Variants in GDF3 observed in about 807,000 individuals in gnomAD.
GDF3 encodes growth differentiation factor 3.
Under a neutral mutation model 10.2 loss-of-function variants are expected in GDF3, and 10 were observed. The ratio of observed to expected loss-of-function variants is 0.98; its 90% CI spans 0.60 to 1.66. GDF3 has a LOEUF of 1.66. GDF3 is among the 40% of genes most tolerant of loss of function. GDF3 has a pLI of 0.00. For synonymous variants in GDF3, 166 were observed against 178.5 expected (o/e 0.93, Z 0.56); for missense variants, 450 against 438.3 (o/e 1.03, Z -0.24).
chr12:7,691,634 G>GT, intron 1 of GDF3, among the ~76,000 whole-genome samples: 1 of 151,502 alleles, frequency 6.6e-6, no homozygotes. Context: ...GTAGTTATAG[G>GT]TATAGTCACC....
At chr12:7,693,651 A>G (rs1054858186) in intron 1 of GDF3, among the ~76,000 whole-genome samples, 3 of 151,568 alleles carry the variant, frequency 2.0e-5, no homozygotes, top group African/African-American at 7.3e-5. Flanking sequence ...ATCATTCAAA[A>G]CCTAACAAAA....
chr12:7,695,253 T>A (rs1864170073), intron 1 of GDF3, among the ~76,000 whole-genome samples: 1 of 152,220 alleles, frequency 6.6e-6, no homozygotes, highest in African/African-American at 2.4e-5. Flanking sequence ...GATTACAGGT[T>A]ACCTACTGTC....
At position 7,689,832 on chromosome 12, in the gene GDF3, A is replaced by C; in HGVS notation, c.*46T>G. 1 of 1,265,920 alleles carries C rather than the reference A, an allele frequency of 7.9e-7. No individual in the cohort carries two copies. Among genetic ancestry groups the C allele is most frequent in the Non-Finnish European group, 1.2e-6 (1 of 864,358 alleles). 78.4% of individuals were successfully genotyped at this position (1,265,920 alleles called of 1,614,324 possible). Reference sequence around the variant, plus strand: ...ATAAACCAGATAGGTAGTTTTATTAAAAGATTTACCCTAAGAACACTCCTT... The same window carrying C: ...ATAAACCAGATAGGTAGTTTTATTACAAGATTTACCCTAAGAACACTCCTT... On this transcript the variant is annotated 3_prime_UTR_variant, in exon 2 of 2. Transcript: ENST00000329913.
chr12:7,695,732 C>T lies in GDF3; in HGVS notation c.-4G>A. The T allele has an allele frequency of 1.9e-6, 3 of 1,614,072 alleles. No individual in the cohort carries two copies. Among genetic ancestry groups the T allele is most frequent in the Non-Finnish European group, 2.5e-6 (3 of 1,179,972 alleles). ...AATCTGGCAAGAAACGAAGCATGGC[C>T]TCTGGAGTGGCTGTCAGACCGGGGA... On this transcript the variant is annotated 5_prime_UTR_variant, in exon 1 of 2. Transcript: ENST00000329913.
At position 7,689,991 on chromosome 12, in the gene GDF3, C is replaced by A; in HGVS notation, c.982G>T (p.Val328Leu). The A allele has an allele frequency of 6.2e-7, 1 of 1,613,850 alleles. No homozygotes were observed. ...GGAGACAGCTTGGTGGGGATACACA[C>A]AGCCTGGGGGATCTCTGGGTCAACG... Reference protein sequence around the residue: ...HAVDPEIPQAVCIPTKLSPIS... With the variant: ...HAVDPEIPQALCIPTKLSPIS... The change falls in exon 2 of 2, where the codon GTG becomes TTG. Residue 328 changes from valine to leucine, a missense_variant. Transcript: ENST00000329913.
chr12:7,694,350 G>A (rs1023942199), intron 1 of GDF3, among the ~76,000 whole-genome samples: 1 of 151,946 alleles, frequency 6.6e-6, no homozygotes, highest in African/African-American at 2.4e-5. Context: ...ATCACCTGAA[G>A]TCAGGAGTTC....
intron 1 of GDF3, among the ~76,000 whole-genome samples, chr12:7,691,613 C>A (rs766636433): frequency 6.6e-6 from 1 of 151,272 alleles, no homozygotes; most frequent in Non-Finnish European, 1.5e-5. Flanking sequence ...AACACTATGC[C>A]GAAATTTATG....
At chr12:7,695,224 A>G (rs1402443376) in intron 1 of GDF3, among the ~76,000 whole-genome samples, 2 of 152,194 alleles carry the variant, frequency 1.3e-5, no homozygotes, top group African/African-American at 4.8e-5. Flanking sequence ...CTCACACACT[A>G]GCTGTATGAT....
chr12:7,691,273 A>T (rs1864127483), intron 1 of GDF3, among the ~76,000 whole-genome samples: 1 of 152,184 alleles, frequency 6.6e-6, no homozygotes, highest in Admixed American at 6.6e-5. Context: ...CATTATTTCC[A>T]CTAAACTCTA....
chr12:7,695,238 G>A (rs117402167), intron 1 of GDF3, among the ~76,000 whole-genome samples: 2,576 of 152,276 alleles, frequency 0.017, 38 homozygotes, highest in Non-Finnish European at 0.024. Flanking sequence ...GTATGATCTT[G>A]AATAGATTAC....
intron 1 of GDF3, among the ~76,000 whole-genome samples, chr12:7,695,092 G>C (rs940009116): frequency 6.6e-6 from 1 of 152,128 alleles, no homozygotes; most frequent in East Asian, 1.9e-4. Flanking sequence ...GGCAGGATGT[G>C]TATATATGGG....
At chr12:7,693,933 A>T (rs1477513020) in intron 1 of GDF3, among the ~76,000 whole-genome samples, 2 of 152,092 alleles carry the variant, frequency 1.3e-5, no homozygotes, top group Admixed American at 6.6e-5. Flanking sequence ...AGCCTGGGTG[A>T]CACAGCAAGA....
intron 1 of GDF3, among the ~76,000 whole-genome samples, chr12:7,695,044 C>T (rs916112241): frequency 6.6e-6 from 1 of 152,090 alleles, no homozygotes; most frequent in African/African-American, 2.4e-5. Flanking sequence ...GGCAAACCAA[C>T]CTCAAAATTT....
chr12:7,690,167 A>T lies in GDF3; in HGVS notation c.806T>A (p.Leu269Gln), dbSNP rs755438714. ...ACCCAGGTCCCGGAAGTTAATGAAT[A>T]GCTGGTGACGGTGGCAGAGGTTCTT... The part of the protein sequence containing the change: ...SCKNLCHRHQ[L>Q]FINFRDLGWH... Residue 269 changes from leucine (L) to glutamine (Q), a missense_variant, in exon 2 of 2, where the codon CTA becomes CAA. Leu to Gln is a moderately radical substitution (Grantham distance 113). Transcript: ENST00000329913. The T allele has an allele frequency of 3.1e-6, 5 of 1,614,164 alleles. No homozygotes were observed. The South Asian group carries it at 5.5e-5, about 18-fold the overall frequency.
Position 7,695,765 on chromosome 12 carries a change from A to C in GDF3, c.-37T>G. On this transcript the variant is annotated 5_prime_UTR_variant, in exon 1 of 2. Transcript: ENST00000329913. ...TGGCTGTCAGACCGGGGAGAGCTCC[A>C]CTGCCAGACTGCCCAACAATTCAGA... 6.2e-7 allele frequency: 1 copy of C among 1,610,150 alleles called. No individual in the cohort carries two copies.
At chr12:7,693,786 C>A (rs1864155976) in intron 1 of GDF3, among the ~76,000 whole-genome samples, 1 of 151,456 alleles carries the variant, frequency 6.6e-6, no homozygotes, top group Admixed American at 6.6e-5. Context: ...TAAAAAAGTA[C>A]AAAAATCAGC....
chr12:7,691,960 T>C (rs1324705685), intron 1 of GDF3, among the ~76,000 whole-genome samples: 1 of 151,064 alleles, frequency 6.6e-6, no homozygotes, highest in African/African-American at 2.4e-5. Context: ...TGAGCCAAGA[T>C]CACGCCACTG....
chr12:7,690,511 A>G lies in GDF3; in HGVS notation c.462T>C (p.His154=), dbSNP rs1864117431. The change falls in exon 2 of 2, where the codon CAT becomes CAC. Residue 154 remains histidine, a synonymous_variant. Coordinates refer to ENST00000329913, the MANE Select transcript of GDF3 (RefSeq NM_020634.3). ...GCTTAGGGGTGGTCTGGCCCCACAC[A>G]TGAGGCTCCTGAACCAGGAACAGAG... is the stretch of plus-strand genomic sequence containing the variant. ...ELALFLVQEP[H]VWGQTTPKPG... is the part of the protein sequence containing the mutation. The G allele has an allele frequency of 1.2e-6, 2 of 1,613,044 alleles. No homozygotes were observed. Among genetic ancestry groups the G allele is most frequent in the Non-Finnish European group, 8.5e-7 (1 of 1,179,160 alleles).
Position 7,691,823 on chromosome 12 carries a change from C to G in GDF3, c.269-1119G>C, listed in dbSNP as rs1040081489. On this transcript the variant is annotated intron_variant, in intron 1 of 1. Transcript: ENST00000329913. ...GAGATCGAGACCATCCTGGCTAACACGGTAAAACCCCATCTCTACTAAAAA... is the reference window on the plus strand; with the variant it reads ...GAGATCGAGACCATCCTGGCTAACAGGGTAAAACCCCATCTCTACTAAAAA... Among the ~76,000 whole-genome samples, 3 of 149,748 alleles carry G rather than the reference C, an allele frequency of 2.0e-5. No homozygotes were observed. The South Asian group carries it at 6.4e-4, about 32-fold the overall frequency.
Sources: gnomAD v4.1 joint callset for allele counts (sites outside exome capture counted in the v4.1 genomes callset) on GRCh38, gnomAD v4.1.1 for gene constraint, MANE v1.5 for transcripts, NCBI Gene and HGNC (gene_info 2026-07-23, HGNC 2026-07-21) for gene names.